The following DBH variants were observed in gnomAD, a reference collection of about 807,000 sequenced individuals.
DBH encodes dopamine beta-hydroxylase (dopamine beta-monooxygenase).
In DBH, 49 loss-of-function variants were observed where a neutral mutation model predicts 64.0. The observed-to-expected ratio is 0.77, with a 90% CI of 0.61 to 0.97. The LOEUF (loss-of-function observed/expected upper bound fraction) is 0.97. Ranked by LOEUF, DBH falls within the 50% of genes least tolerant of loss-of-function variation. The pLI is 0.00. For missense variants in DBH, 828 were observed against 826.6 expected, an observed-to-expected ratio of 1.00 and a Z score of -0.02; for synonymous variants, 343 against 347.1, an observed-to-expected ratio of 0.99 and a Z score of 0.13.
chr9:133,642,722 T>C (rs1564209215), intron 3 of DBH, among the ~76,000 whole-genome samples: 1 of 152,176 alleles, frequency 6.6e-6, no homozygotes, highest in Non-Finnish European at 1.5e-5. Context: ...CATCTTGACT[T>C]CTGCATCTTT....
chr9:133,653,668 T>C (rs1832278389), intron 9 of DBH, among the ~76,000 whole-genome samples: 1 of 152,070 alleles, frequency 6.6e-6, no homozygotes, highest in South Asian at 2.1e-4. Flanking sequence ...AGGATGAGCG[T>C]CAGCTGAGGA....
intron 6 of DBH, among the ~76,000 whole-genome samples, chr9:133,648,650 AGCACCCGTCCTCAGGGCTAT>A (rs1185447873): frequency 6.6e-6 from 1 of 152,206 alleles, no homozygotes; most frequent in Non-Finnish European, 1.5e-5. Context: ...GATCTCAGGG[AGCACCCGTCCTCAGGGCTAT>A]GCACGCTGGG....
chr9:133,643,621 C>T lies in DBH; in HGVS notation c.921+32C>T. 6.2e-7 allele frequency: 1 copy of T among 1,610,968 alleles called. No individual in the cohort carries two copies. Among genetic ancestry groups the T allele is most frequent in the Non-Finnish European group, 8.5e-7 (1 of 1,178,826 alleles). On this transcript the variant is annotated intron_variant, in intron 4 of 11. Coordinates refer to ENST00000393056, the MANE Select transcript of DBH (RefSeq NM_000787.4). This position sits in a 1 kb window ranked among gnomAD's most constrained non-coding sequence, Gnocchi z 5.3. ...GCCCTGCGACCCCAGCATGGTGTCTCCTGCCTGGGCCCCTGGCATCCCCAC... is the reference window on the plus strand; with the variant it reads ...GCCCTGCGACCCCAGCATGGTGTCTTCTGCCTGGGCCCCTGGCATCCCCAC...
At chr9:133,638,326 C>A (rs1832076223) in intron 1 of DBH, among the ~76,000 whole-genome samples, 1 of 152,210 alleles carries the variant, frequency 6.6e-6, no homozygotes, top group Non-Finnish European at 1.5e-5. Context: ...CATTGTGTGG[C>A]TTTTTTCTCT....
At chr9:133,652,897 C>T (rs370941069) in intron 8 of DBH, 43 bp from the exon 9 acceptor site, 564 of 1,530,678 alleles carry the variant, frequency 3.7e-4, no homozygotes, top group Admixed American at 8.2e-4. Flanking sequence ...CACCTGCCAA[C>T]GCCAGGTGGC....
chr9:133,642,203 G>A lies in DBH; in HGVS notation c.487-4G>A. ...CGACCAGCTGAACCCTGTCTCGGCTGCAGGACGGCACTGTCCACTTGGTCT... is the reference window on the plus strand; with the variant it reads ...CGACCAGCTGAACCCTGTCTCGGCTACAGGACGGCACTGTCCACTTGGTCT... On this transcript the variant is annotated splice_polypyrimidine_tract_variant and splice_region_variant and intron_variant, in intron 2 of 11. Transcript: ENST00000393056. 3 of 1,612,956 alleles carry A rather than the reference G, an allele frequency of 1.9e-6. No individual in the cohort carries two copies. Among genetic ancestry groups the A allele is most frequent in the African/African-American group, 1.3e-5 (1 of 75,036 alleles).
In DBH at chr9:133,647,941, G is replaced by A; in HGVS notation, c.1120G>A (p.Val374Met). The change falls in exon 6 of 12, where the codon GTG becomes ATG. Residue 374 changes from valine to methionine, a missense_variant. Val to Met is a conservative substitution (Grantham distance 21). Transcript: ENST00000393056. ...GGAGCTGGGACTGGTGTACACGCCAGTGATGGCCATTCCACCACGGGAGAC... is the reference window on the plus strand; with the variant it reads ...GGAGCTGGGACTGGTGTACACGCCAATGATGGCCATTCCACCACGGGAGAC... ...IMELGLVYTPVMAIPPRETAF... is the reference protein window; with the variant it reads ...IMELGLVYTPMMAIPPRETAF... 1 of 1,614,148 alleles carries A rather than the reference G, an allele frequency of 6.2e-7. No individual in the cohort carries two copies. Among genetic ancestry groups the A allele is most frequent in the Non-Finnish European group, 8.5e-7 (1 of 1,180,036 alleles).
chr9:133,657,868 A>C (rs1279592952), intron 11 of DBH, among the ~76,000 whole-genome samples: 1 of 152,206 alleles, frequency 6.6e-6, no homozygotes, highest in Non-Finnish European at 1.5e-5. Flanking sequence ...GAGCCAGATT[A>C]ACTGCTAAGT....
Position 133,648,740 on chromosome 9 carries a change from G to C in DBH, c.1191+728G>C, listed in dbSNP as rs7032535. ...CAGCAGGTCCTGTCCTTGGCTTCTG[G>C]TGAGTTCAGAGAGTGACTACTAAAA... On this transcript the variant is annotated intron_variant, in intron 6 of 11. Transcript: ENST00000393056. Among the ~76,000 whole-genome samples the C allele has an allele frequency of 3.4e-3, 521 of 152,342 alleles. 2 individuals carry two copies. The highest frequency in any genetic ancestry group is 0.012 in the African/African-American group (499 of 41,586).
At chr9:133,651,603 G>A (rs898717165) in intron 6 of DBH, 31 bp from the exon 7 acceptor site, 1 of 1,612,272 alleles carries the variant, frequency 6.2e-7, no homozygotes, top group African/African-American at 1.3e-5. Context: ...CGGGGGTCAG[G>A]CCCTGACACT....
intron 6 of DBH, among the ~76,000 whole-genome samples, chr9:133,650,475 T>TTTC (rs1832233802): frequency 7.6e-6 from 1 of 132,062 alleles, no homozygotes; most frequent in African/African-American, 3.7e-5. Flanking sequence ...TTTTTCTTTC[T>TTTC]TTTTCTTTTT....
intron 11 of DBH, among the ~76,000 whole-genome samples, chr9:133,657,892 C>T (rs1832356239): frequency 6.6e-6 from 1 of 152,162 alleles, no homozygotes; most frequent in Non-Finnish European, 1.5e-5. Context: ...ACATCCTCAG[C>T]ACCAAGGGAA....
chr9:133,639,531 G>T (rs2797852), intron 1 of DBH, among the ~76,000 whole-genome samples: 1 of 152,132 alleles, frequency 6.6e-6, no homozygotes, highest in South Asian at 2.1e-4. Flanking sequence ...TGTCCCGCCC[G>T]CCAGGCCCGG....
At chr9:133,638,534 G>T (rs1832078610) in intron 1 of DBH, among the ~76,000 whole-genome samples, 1 of 152,204 alleles carries the variant, frequency 6.6e-6, no homozygotes, top group Non-Finnish European at 1.5e-5. Flanking sequence ...ATTCTGGTGG[G>T]CTCTGGGTGG....
intron 1 of DBH, among the ~76,000 whole-genome samples, chr9:133,638,608 G>T (rs1201332119): frequency 1.3e-5 from 2 of 152,136 alleles, no homozygotes; most frequent in African/African-American, 4.8e-5. Context: ...GGCAATATTG[G>T]CCTGGGGTGT....
rs1209168514 is a variant in DBH at position 133,644,399 on chromosome 9, G to GTC, written c.1024+81_1024+82dup. Reference sequence around the variant, plus strand: ...AGCCAGTGAGCAAATCCCGCCCTTCGTCTGCCCAGCATGGTGCCCCCGCTG... The same window carrying GTC: ...AGCCAGTGAGCAAATCCCGCCCTTCGTCTCTGCCCAGCATGGTGCCCCCGCTG... On this transcript the variant is annotated intron_variant, in intron 5 of 11. Coordinates refer to ENST00000393056, the MANE Select transcript of DBH (RefSeq NM_000787.4). 189 of 1,180,558 alleles carry GTC rather than the reference G, an allele frequency of 1.6e-4. 2 individuals carry two copies. Among genetic ancestry groups the GTC allele is most frequent in the South Asian group, 9.1e-4 (74 of 81,464 alleles). The allele number at this position is 1,180,558 out of a possible 1,614,324, so 73.1% of individuals were successfully genotyped here.
At chr9:133,644,594 C>T (rs533689987) in intron 5 of DBH, among the ~76,000 whole-genome samples, 1 of 152,390 alleles carries the variant, frequency 6.6e-6, no homozygotes, top group East Asian at 1.9e-4. Context: ...TACGGGCTGC[C>T]ATCGGCGCAG....
intron 2 of DBH, among the ~76,000 whole-genome samples, chr9:133,640,487 C>T (rs1832105524): frequency 6.6e-6 from 1 of 152,228 alleles, no homozygotes; most frequent in South Asian, 2.1e-4. Context: ...ATGGCCTGAC[C>T]AACTCTGGGA....
At chr9:133,640,683 G>A (rs942578953) in intron 2 of DBH, among the ~76,000 whole-genome samples, 5 of 152,266 alleles carry the variant, frequency 3.3e-5, no homozygotes, top group African/African-American at 4.8e-5. Flanking sequence ...TGGGCTGGCC[G>A]TTAGTGCCAG....
Sources: gnomAD v4.1 joint callset for allele counts (sites outside exome capture counted in the v4.1 genomes callset) on GRCh38, gnomAD v4.1.1 for gene constraint, Gnocchi (gnomAD v3.1) non-coding constraint, MANE v1.5 for transcripts, NCBI Gene and HGNC (gene_info 2026-07-23, HGNC 2026-07-21) for gene names.